LEKR1: variants seen among roughly 807,000 people sequenced by gnomAD.
LEKR1 encodes protein LEKR1.
LEKR1 carries 59 observed loss-of-function variants against 72.4 expected under a neutral mutation model. The observed-to-expected ratio is 0.82, with a 90% confidence interval of 0.66 to 1.01. LEKR1 has a LOEUF of 1.01. LEKR1 is among the 50% of genes least tolerant of loss of function. The pLI, the probability that LEKR1 is intolerant of heterozygous loss-of-function variation, is 0.00. For missense variants in LEKR1, 728 were observed against 759.2 expected (o/e 0.96, Z 0.48); for synonymous variants, 257 against 263.2 (o/e 0.98, Z 0.23).
chr3:156,941,008 A>G, intron 5 of LEKR1, among the ~76,000 whole-genome samples: 1 of 152,228 alleles, frequency 6.6e-6, no homozygotes, highest in East Asian at 1.9e-4. Flanking sequence ...TTAGGTACGT[A>G]GGGAAACTGT....
intron 6 of LEKR1, among the ~76,000 whole-genome samples, chr3:156,964,875 T>C (rs924341694): frequency 6.6e-6 from 1 of 152,226 alleles, no homozygotes; most frequent in African/African-American, 2.4e-5. Context: ...ACTTCTCTTT[T>C]ATTTATTAAC....
At chr3:156,851,149 A>G (rs968821848) in intron 2 of LEKR1, 1 of 152,224 alleles carries the variant, frequency 6.6e-6, no homozygotes. Context: ...GAACACTGGA[A>G]AAAATTTAGA....
chr3:156,845,696 CT>C (rs1368624781), intron 2 of LEKR1, among the ~76,000 whole-genome samples: 1 of 152,004 alleles, frequency 6.6e-6, no homozygotes, highest in Non-Finnish European at 1.5e-5. Flanking sequence ...TGTGTCCTTC[CT>C]TCTGCCAATA....
intron 3 of LEKR1, among the ~76,000 whole-genome samples, chr3:156,856,139 G>A (rs959516923): frequency 6.6e-6 from 1 of 152,068 alleles, no homozygotes; most frequent in Admixed American, 6.6e-5. Context: ...TATTAATTTT[G>A]TATATAATTT....
intron 3 of LEKR1, among the ~76,000 whole-genome samples, chr3:156,893,355 A>G (rs926375021): frequency 6.6e-6 from 1 of 152,190 alleles, no homozygotes; most frequent in African/African-American, 2.4e-5. Flanking sequence ...TGTGTATATT[A>G]GCCTTATTTA....
At chr3:157,044,207 T>A (rs2108050097) in intron 12 of LEKR1, among the ~76,000 whole-genome samples, 1 of 152,360 alleles carries the variant, frequency 6.6e-6, no homozygotes, top group East Asian at 1.9e-4. Flanking sequence ...TTTGAGTTGA[T>A]GAATCCTATA....
At chr3:156,960,027 A>AT (rs1202384859) in intron 6 of LEKR1, among the ~76,000 whole-genome samples, 1 of 152,120 alleles carries the variant, frequency 6.6e-6, no homozygotes, top group Admixed American at 6.6e-5. Flanking sequence ...CCTTTCACAC[A>AT]TTAGGCAGGT....
intron 6 of LEKR1, among the ~76,000 whole-genome samples, chr3:156,966,263 G>A (rs867185840): frequency 6.6e-6 from 1 of 152,084 alleles, no homozygotes; most frequent in Non-Finnish European, 1.5e-5. Flanking sequence ...TCTCACTGGG[G>A]AGTGTTGGAA....
At chr3:157,036,179 A>G (rs1294350681) in intron 12 of LEKR1, among the ~76,000 whole-genome samples, 1 of 152,214 alleles carries the variant, frequency 6.6e-6, no homozygotes, top group Non-Finnish European at 1.5e-5. Flanking sequence ...GGAGCAAAAG[A>G]GAGCTTAAAA....
chr3:156,958,308 A>C (rs998872662), intron 6 of LEKR1, among the ~76,000 whole-genome samples: 3 of 152,176 alleles, frequency 2.0e-5, no homozygotes, highest in African/African-American at 7.2e-5. Flanking sequence ...GATTATACCA[A>C]CATATTTTTC....
At chr3:156,918,058 A>AGGAGACAATTTTTAATTCC (rs1723821719) in intron 3 of LEKR1, among the ~76,000 whole-genome samples, 3 of 152,176 alleles carry the variant, frequency 2.0e-5, no homozygotes, top group Admixed American at 2.0e-4. Context: ...AAAGAAGAAA[A>AGGAGACAATTTTTAATTCC]GGAGACAATT....
intron 3 of LEKR1, among the ~76,000 whole-genome samples, chr3:156,883,586 T>C (rs553053536): frequency 6.6e-6 from 1 of 152,292 alleles, no homozygotes; most frequent in South Asian, 2.1e-4. Context: ...TGGGAGATAA[T>C]TGAATCATGG....
In LEKR1 at chr3:157,028,262, C is replaced by G; in HGVS notation, c.1528C>G (p.Arg510Gly). ...LKNLVAEFES[R>G]LKKEIDSNDS... is the part of the protein sequence containing the mutation. The stretch of plus-strand genomic sequence containing the variant: ...AAATTTGGTTGCAGAATTTGAATCT[C>G]GCTTGAAGAAGGAAATTGACAGTAA... Residue 510 changes from arginine (R) to glycine (G), a missense_variant, in exon 12 of 13, where the codon CGC becomes GGC. Arg to Gly is a moderately radical substitution (Grantham distance 125, BLOSUM62 -2). Transcript: ENST00000356539. The G allele has an allele frequency of 8.1e-6, 13 of 1,613,482 alleles. No individual in the cohort carries two copies. Among genetic ancestry groups the G allele is most frequent in the Non-Finnish European group, 1.1e-5 (13 of 1,179,728 alleles).
chr3:156,993,008 T>A (rs935543389), intron 8 of LEKR1, 66 bp from the exon 9 acceptor site: 2 of 820,392 alleles, frequency 2.4e-6, no homozygotes, highest in Middle Eastern at 3.5e-4. Flanking sequence ...TCTTGATACA[T>A]CTTTGGTAAA....
In LEKR1 at chr3:156,993,272, T is replaced by G; in HGVS notation, c.1104T>G (p.Asn368Lys). The G allele has an allele frequency of 6.3e-7, 1 of 1,585,764 alleles. No individual in the cohort carries two copies. Among genetic ancestry groups the G allele is most frequent in the African/African-American group, 1.4e-5 (1 of 73,082 alleles). Residue 368 changes from asparagine to lysine, a missense_variant, in exon 9 of 13, where the codon AAT (asparagine) becomes AAG (lysine). Coordinates refer to ENST00000356539, the MANE Select transcript of LEKR1 (RefSeq NM_001004316.3). ...GGGAAGAGGTTTTAACACTGAAAAA[T>G]GAAAGGTGCAGTAAACAATAATTTC... The part of the protein sequence containing the change: ...QTREEVLTLK[N>K]ERELMLISHQ...
chr3:157,020,469 C>T (rs1234120556), intron 10 of LEKR1, among the ~76,000 whole-genome samples: 1 of 130,994 alleles, frequency 7.6e-6, no homozygotes, highest in African/African-American at 2.9e-5. Context: ...TGATGTTCCC[C>T]TTCCTGTGTC....
At chr3:156,908,905 C>T (rs1033396846) in intron 3 of LEKR1, among the ~76,000 whole-genome samples, 14 of 151,982 alleles carry the variant, frequency 9.2e-5, no homozygotes, top group African/African-American at 3.1e-4. Flanking sequence ...GCTGTGTGTC[C>T]CCTCCCAAAT....
intron 11 of LEKR1, among the ~76,000 whole-genome samples, chr3:157,025,931 C>A (rs1734153138): frequency 6.6e-6 from 1 of 151,822 alleles, no homozygotes; most frequent in Admixed American, 6.6e-5. Context: ...CCAGTGTATA[C>A]CCTGGCTACT....
intron 6 of LEKR1, among the ~76,000 whole-genome samples, chr3:156,975,363 C>T (rs1729601558): frequency 6.6e-6 from 1 of 152,078 alleles, no homozygotes; most frequent in Non-Finnish European, 1.5e-5. Context: ...TTCCATTATG[C>T]TACTTTAACC....
Sources: gnomAD v4.1 joint callset for allele counts (sites outside exome capture counted in the v4.1 genomes callset) on GRCh38, gnomAD v4.1.1 for gene constraint, MANE v1.5 for transcripts, NCBI Gene and HGNC (gene_info 2026-07-23, HGNC 2026-07-21) for gene names.